Variants in BICC1 observed in about 807,000 individuals in gnomAD.
BICC1 encodes protein bicaudal C homolog 1.
A neutral mutation model predicts 111.0 loss-of-function variants in BICC1; 43 were observed. That is an observed-to-expected ratio of 0.39 (90% CI 0.30 to 0.50). The LOEUF (loss-of-function observed/expected upper bound fraction) is 0.50. Among genes scored for constraint, BICC1 ranks in the 20% least tolerant of loss-of-function variants. BICC1 has a pLI of 0.88. For missense variants in BICC1, 1,091 were observed against 1,203.2 expected (o/e 0.91, Z 1.38); for synonymous variants, 467 against 434.4 (o/e 1.07, Z -0.93).
rs112771109 is a variant in BICC1, at chr10:58,748,510, C to T, written c.308-36491C>T. On this transcript the variant is annotated intron_variant, in intron 3 of 20. Transcript: ENST00000373886. ...ATACCTCAAACCAGTCATTGTTTCT[C>T]TAAGTTTGTACACGTGGTTCAGAAT... is the stretch of plus-strand genomic sequence containing the variant. 5.9e-5 allele frequency among the ~76,000 whole-genome samples: 9 copies of T among 152,100 alleles called. 1 individual carries two copies. Among genetic ancestry groups the T allele is most frequent in the African/African-American group, 2.2e-4 (9 of 41,510 alleles).
At chr10:58,676,555 T>G (rs1167566620) in intron 2 of BICC1, among the ~76,000 whole-genome samples, 1 of 152,134 alleles carries the variant, frequency 6.6e-6, no homozygotes, top group East Asian at 1.9e-4. Context: ...GTCAGGGGCT[T>G]ATAGCTAAAA....
intron 18 of BICC1, chr10:58,814,325 G>C (rs984354340): frequency 3.4e-6 from 2 of 583,810 alleles, no homozygotes; most frequent in African/African-American, 3.7e-5. Context: ...CATGTGTCAA[G>C]TATTCTGTTA....
At position 58,826,845 on chromosome 10, in the gene BICC1, G is replaced by A. The variant is rs146801295; in HGVS notation, c.2795-1916G>A. 2.7e-3 allele frequency among the ~76,000 whole-genome samples: 404 copies of A among 152,312 alleles called. 2 individuals carry two copies. The highest frequency in any genetic ancestry group is 4.4e-3 in the East Asian group (23 of 5,186). On this transcript the variant is annotated intron_variant, in intron 20 of 20. Coordinates refer to ENST00000373886, the MANE Select transcript of BICC1 (RefSeq NM_001080512.3). ...TGCTGTTTTGTGCGAATGCAGTCAC[G>A]TTTATGATCAGGACTGCCCTTATCT...
intron 2 of BICC1, among the ~76,000 whole-genome samples, chr10:58,659,087 A>G (rs937457470): frequency 6.6e-6 from 1 of 152,206 alleles, no homozygotes; most frequent in Non-Finnish European, 1.5e-5. Flanking sequence ...TAAAAAGTCA[A>G]AAAATAACAG....
chr10:58,769,404 G>A (rs2393480), intron 3 of BICC1, among the ~76,000 whole-genome samples: 23,573 of 103,376 alleles, frequency 0.23, 2,951 homozygotes, highest in African/African-American at 0.29. Context: ...GTGTGTGTGT[G>A]TATATATATA....
At chr10:58,692,676 G>A (rs182422315) in intron 2 of BICC1, among the ~76,000 whole-genome samples, 6 of 152,198 alleles carry the variant, frequency 3.9e-5, no homozygotes, top group Admixed American at 3.3e-4. Context: ...TTACAATAAG[G>A]CGAGAGCATC....
chr10:58,791,760 C>T (rs987190152), intron 8 of BICC1, among the ~76,000 whole-genome samples: 8 of 152,030 alleles, frequency 5.3e-5, no homozygotes, highest in African/African-American at 1.4e-4. Flanking sequence ...TCAATTTCTT[C>T]CACAGGAGAA....
chr10:58,733,557 G>T (rs1189323838), intron 3 of BICC1, among the ~76,000 whole-genome samples: 1 of 152,120 alleles, frequency 6.6e-6, no homozygotes, highest in Non-Finnish European at 1.5e-5. Context: ...TTCATCTAGG[G>T]TAGCTACAGC....
chr10:58,534,765 A>T (rs552531781), intron 1 of BICC1, among the ~76,000 whole-genome samples: 56 of 151,898 alleles, frequency 3.7e-4, no homozygotes, highest in African/African-American at 1.3e-3. Context: ...GAAACACCAG[A>T]TAAAAATTCA....
chr10:58,762,882 G>A (rs770203744), intron 3 of BICC1, among the ~76,000 whole-genome samples: 6 of 151,292 alleles, frequency 4.0e-5, no homozygotes, highest in Admixed American at 6.6e-5. Flanking sequence ...CAATTTCATC[G>A]TAACACAAAG....
intron 2 of BICC1, among the ~76,000 whole-genome samples, chr10:58,637,322 T>A (rs932360170): frequency 6.6e-6 from 1 of 152,206 alleles, no homozygotes. Context: ...CAGAAACTGA[T>A]AGGCTGTGGT....
intron 3 of BICC1, among the ~76,000 whole-genome samples, chr10:58,742,120 A>C (rs1841686368): frequency 6.6e-6 from 1 of 151,736 alleles, no homozygotes; most frequent in Middle Eastern, 3.4e-3. Flanking sequence ...TTCATTTATA[A>C]GTTGATGTCT....
chr10:58,730,167 A>C (rs1841243104), intron 3 of BICC1, among the ~76,000 whole-genome samples: 1 of 152,220 alleles, frequency 6.6e-6, no homozygotes, highest in Non-Finnish European at 1.5e-5. Context: ...ATTAGGTAAA[A>C]TACTCCAGTT....
intron 1 of BICC1, among the ~76,000 whole-genome samples, chr10:58,530,408 C>T (rs1842649900): frequency 6.6e-6 from 1 of 151,856 alleles, no homozygotes; most frequent in Non-Finnish European, 1.5e-5. Flanking sequence ...CTTCTGTTCC[C>T]TCCTTGAGGA....
intron 3 of BICC1, among the ~76,000 whole-genome samples, chr10:58,705,065 C>T (rs188824695): frequency 8.5e-5 from 13 of 152,316 alleles, no homozygotes; most frequent in African/African-American, 2.9e-4. Context: ...AGGAAGCTGC[C>T]TGGCAAGAAG....
chr10:58,737,087 G>C (rs950784807), intron 3 of BICC1, among the ~76,000 whole-genome samples: 6 of 151,646 alleles, frequency 4.0e-5, no homozygotes, highest in Admixed American at 6.6e-5. Context: ...TCTTTATTTT[G>C]TACTTTCTGT....
At chr10:58,820,524 C>A in intron 20 of BICC1, 56 bp downstream of exon 20, 2 of 1,291,006 alleles carry the variant, frequency 1.5e-6, no homozygotes, top group South Asian at 2.4e-5. Flanking sequence ...TGCCAGTGGT[C>A]TCAGCCATTG....
chr10:58,757,494 A>T (rs1228366950), intron 3 of BICC1, among the ~76,000 whole-genome samples: 1 of 147,826 alleles, frequency 6.8e-6, no homozygotes, highest in Non-Finnish European at 1.5e-5. Context: ...GCAGAAGTAA[A>T]TATCAGTGAG....
At position 58,789,367 on chromosome 10, in the gene BICC1, A is replaced by T. The variant is rs147466451; in HGVS notation, c.706A>T (p.Asn236Tyr). ...TATTCAGCATATATCACAAACGTAC[A>T]ATATTTCAGTATCATTTAAACAGCG... Reference protein sequence around the residue: ...PSIQHISQTYNISVSFKQRSR... With the variant: ...PSIQHISQTYYISVSFKQRSR... The change falls in exon 7 of 21, where the codon AAT becomes TAT. Residue 236 changes from asparagine to tyrosine, a missense_variant. By Grantham distance (143) the Asn-to-Tyr change is moderately radical (BLOSUM62 -2). Coordinates refer to ENST00000373886, the MANE Select transcript of BICC1 (RefSeq NM_001080512.3). The T allele has an allele frequency of 6.2e-7, 1 of 1,614,050 alleles. No homozygotes were observed. The highest frequency in any genetic ancestry group is 1.1e-5 in the South Asian group (1 of 91,074).
Sources: gnomAD v4.1 joint callset for allele counts (sites outside exome capture counted in the v4.1 genomes callset) on GRCh38, gnomAD v4.1.1 for gene constraint, MANE v1.5 for transcripts, NCBI Gene and HGNC (gene_info 2026-07-23, HGNC 2026-07-21) for gene names.